LINGO2: variants seen among roughly 807,000 people sequenced by gnomAD.
LINGO2 encodes leucine-rich repeat and immunoglobulin-like domain-containing nogo receptor-interacting protein 2.
A neutral mutation model predicts 30.6 loss-of-function variants in LINGO2; 14 were observed. That is an observed-to-expected ratio of 0.46 (90% CI 0.30 to 0.72). The LOEUF (loss-of-function observed/expected upper bound fraction) is 0.72, where lower values mean the gene tolerates loss of function less well. Among genes scored for constraint, LINGO2 ranks in the 30% least tolerant of loss-of-function variants. The probability of loss-of-function intolerance (pLI) is 0.07; values close to 1 mark genes in which losing one functional copy is unlikely to be tolerated. For missense variants in LINGO2, 729 were observed against 751.7 expected (o/e 0.97, Z 0.35); for synonymous variants, 317 against 288.5 (o/e 1.10, Z -1.00).
intron 1 of LINGO2, among the ~76,000 whole-genome samples, chr9:28,518,012 T>C (rs902684474): frequency 6.6e-6 from 1 of 152,192 alleles, no homozygotes; most frequent in Admixed American, 6.5e-5. Context: ...CTTATTTCTG[T>C]GTCCCTCTGC....
intron 4 of LINGO2, among the ~76,000 whole-genome samples, chr9:28,187,073 T>C (rs1587168876): frequency 1.3e-5 from 2 of 152,114 alleles, no homozygotes; most frequent in South Asian, 2.1e-4. Flanking sequence ...TAGGAGACTA[T>C]AGCAGTCTTC....
chr9:29,141,701 T>C, the LINGO2 span, among the ~76,000 whole-genome samples: 3,915 of 151,882 alleles, frequency 0.026, 156 homozygotes, highest in African/African-American at 0.088. Flanking sequence ...AGCAAAAGGA[T>C]GGAAAAATAT....
At chr9:28,477,853 G>C (rs537950773) in intron 1 of LINGO2, among the ~76,000 whole-genome samples, 2 of 152,142 alleles carry the variant, frequency 1.3e-5, no homozygotes, top group Admixed American at 1.3e-4. Context: ...GATCTATTGT[G>C]GTCTACAACT....
intron 4 of LINGO2, among the ~76,000 whole-genome samples, chr9:28,247,613 G>A (rs190265136): frequency 4.8e-4 from 73 of 152,196 alleles, no homozygotes; most frequent in African/African-American, 1.7e-3. Flanking sequence ...GGGACAAAGT[G>A]GGGGAGAGCA....
At chr9:28,542,795 G>A (rs949314228) in intron 1 of LINGO2, among the ~76,000 whole-genome samples, 5 of 151,948 alleles carry the variant, frequency 3.3e-5, no homozygotes, top group African/African-American at 9.7e-5. Flanking sequence ...GGGATTCCAC[G>A]TTAGTATCCT....
chr9:28,031,454 AAATC>A (rs1823667040), intron 4 of LINGO2, among the ~76,000 whole-genome samples: 1 of 150,492 alleles, frequency 6.6e-6, no homozygotes, highest in African/African-American at 2.5e-5. Flanking sequence ...TGGAATGATT[AAATC>A]AATCTAATTG....
rs928458547 is a variant in LINGO2 at position 28,038,652 on chromosome 9, C to G, written c.-86-26247G>C. 5.3e-5 allele frequency among the ~76,000 whole-genome samples: 8 copies of G among 149,862 alleles called. No individual in the cohort carries two copies. In the South Asian group the frequency reaches 1.7e-3, roughly 32 times the overall value. ...AGCTTGCAGTGAGCCGAGATTGCAC[C>G]ACTGCAGTCCAGCCTGGGCGACAGA... On this transcript the variant is annotated intron_variant, in intron 4 of 5. Transcript: ENST00000379992.
At chr9:28,231,494 C>A in intron 4 of LINGO2, among the ~76,000 whole-genome samples, 1 of 151,848 alleles carries the variant, frequency 6.6e-6, no homozygotes, top group South Asian at 2.1e-4. Flanking sequence ...GTATGAAAAT[C>A]TAGAATTTAA....
chr9:28,167,150 C>T (rs576545804), intron 4 of LINGO2, among the ~76,000 whole-genome samples: 1 of 139,236 alleles, frequency 7.2e-6, no homozygotes, highest in Non-Finnish European at 1.6e-5. Flanking sequence ...CCCCCCCCCC[C>T]CACTTTTCTT....
At chr9:28,887,877 C>G in the LINGO2 span, among the ~76,000 whole-genome samples, 6,252 of 152,086 alleles carry the variant, frequency 0.041, 194 homozygotes, top group Admixed American at 0.082. Context: ...GAAATAAGCT[C>G]CAACTGGATT....
At chr9:28,059,248 C>T (rs920945296) in intron 4 of LINGO2, among the ~76,000 whole-genome samples, 1 of 152,058 alleles carries the variant, frequency 6.6e-6, no homozygotes, top group Non-Finnish European at 1.5e-5. Flanking sequence ...ATGTGCCTAC[C>T]CTTTTGACCT....
rs1038996434 is a variant in LINGO2, at chr9:28,265,742, G to A, written c.-87+29466C>T. Among the ~76,000 whole-genome samples, 4 of 152,028 alleles carry A rather than the reference G, an allele frequency of 2.6e-5. No individual in the cohort carries two copies. In the East Asian group the frequency reaches 7.8e-4, roughly 29 times the overall value. On this transcript the variant is annotated intron_variant, in intron 4 of 5. Coordinates refer to ENST00000379992, the Ensembl canonical transcript of LINGO2. ...TTTGTACTATTCTTGAAACTTTTCT[G>A]TATGTTTAAATTTATTTCTAACACA...
At chr9:28,832,408 T>C in the LINGO2 span, among the ~76,000 whole-genome samples, 24 of 152,184 alleles carry the variant, frequency 1.6e-4, no homozygotes, top group Non-Finnish European at 3.4e-4. Flanking sequence ...CAAATGATGT[T>C]ATATGGGACT....
At chr9:28,054,197 T>TA (rs1486344557) in intron 4 of LINGO2, among the ~76,000 whole-genome samples, 1 of 152,082 alleles carries the variant, frequency 6.6e-6, no homozygotes, top group Non-Finnish European at 1.5e-5. Flanking sequence ...GGAGAAATCT[T>TA]AATGACAAGA....
the LINGO2 span, among the ~76,000 whole-genome samples, chr9:29,061,236 C>T: frequency 6.6e-6 from 1 of 151,780 alleles, no homozygotes; most frequent in African/African-American, 2.4e-5. Flanking sequence ...AAATAGAAAC[C>T]GTTCAAAAAC....
rs10968472 is a variant in LINGO2, at chr9:28,299,639, A to G, written c.-245-4273T>C. 0.016 allele frequency among the ~76,000 whole-genome samples: 2,427 copies of G among 152,234 alleles called. 143 individuals are homozygous for G. The East Asian group carries it at 0.19, about 12-fold the overall frequency. On this transcript the variant is annotated intron_variant, in intron 3 of 5. Coordinates refer to ENST00000379992, the Ensembl canonical transcript of LINGO2. Reference sequence around the variant, plus strand: ...TAATGCCCACTTTATGGTGATTAAAATAAGAATCAGAAAGTTTAAGTTACT... The same window carrying G: ...TAATGCCCACTTTATGGTGATTAAAGTAAGAATCAGAAAGTTTAAGTTACT...
At chr9:28,616,239 C>T (rs1199676639) in intron 1 of LINGO2, among the ~76,000 whole-genome samples, 2 of 152,010 alleles carry the variant, frequency 1.3e-5, no homozygotes, top group Non-Finnish European at 2.9e-5. Context: ...AAATTATAGT[C>T]GTATAGTTAC....
chr9:28,987,922 C>T, the LINGO2 span, among the ~76,000 whole-genome samples: 1 of 152,140 alleles, frequency 6.6e-6, no homozygotes. Context: ...CAATCTTAAA[C>T]TTTCTAAGGC....
the LINGO2 span, among the ~76,000 whole-genome samples, chr9:28,694,649 A>C: frequency 2.7e-3 from 416 of 152,120 alleles, 3 homozygotes; most frequent in African/African-American, 9.6e-3. Context: ...AGGCACAAGA[A>C]GTTAAATAAC....
Sources: gnomAD v4.1 joint callset for allele counts (sites outside exome capture counted in the v4.1 genomes callset) on GRCh38, gnomAD v4.1.1 for gene constraint, MANE v1.5 for transcripts, NCBI Gene and HGNC (gene_info 2026-07-23, HGNC 2026-07-21) for gene names.